ENAH: variants seen among roughly 807,000 people sequenced by gnomAD.
The protein encoded by ENAH is ENAH actin regulator.
A neutral mutation model predicts 78.7 loss-of-function variants in ENAH; 23 were observed. That is an observed-to-expected ratio of 0.29 (90% CI 0.21 to 0.41). ENAH has a LOEUF of 0.41. Among genes scored for constraint, ENAH ranks in the 10% least tolerant of loss-of-function variants. ENAH has a pLI of 1.00. For synonymous variants in ENAH, 226 were observed against 241.0 expected (o/e 0.94, Z 0.58); for missense variants, 544 against 691.0 (o/e 0.79, Z 2.39).
intron 1 of ENAH, among the ~76,000 whole-genome samples, chr1:225,618,392 C>T (rs1444419302): frequency 6.6e-6 from 1 of 152,168 alleles, no homozygotes; most frequent in Non-Finnish European, 1.5e-5. Flanking sequence ...AATGGTCATC[C>T]AGATACAAAA....
Position 225,493,728 on chromosome 1 carries a change from TA to T in ENAH, c.*4046del, listed in dbSNP as rs2096234883. 6.6e-6 allele frequency: 1 copy of T among 152,208 alleles called. No homozygotes were observed. The highest frequency in any genetic ancestry group is 1.5e-5 in the Non-Finnish European group (1 of 68,036). 9.4% of individuals were successfully genotyped at this position (152,208 alleles called of 1,614,324 possible). ...CAGAGTTCCTTTGCGATGTTTGCTT[TA>T]TATAGTTACTTTTACGCTGCTTATA... On this transcript the variant is annotated 3_prime_UTR_variant, in exon 14 of 14. Transcript: ENST00000366843.
intron 1 of ENAH, among the ~76,000 whole-genome samples, chr1:225,599,380 T>G (rs540903214): frequency 6.6e-6 from 1 of 152,190 alleles, no homozygotes; most frequent in African/African-American, 2.4e-5. Context: ...GTATATTAGA[T>G]GATATTCAAT....
chr1:225,575,797 A>G (rs1053066436), intron 1 of ENAH, among the ~76,000 whole-genome samples: 1 of 152,218 alleles, frequency 6.6e-6, no homozygotes, highest in Non-Finnish European at 1.5e-5. Flanking sequence ...AAGGACTGGC[A>G]CTGTCTCTCT....
At chr1:225,650,874 A>AAG (rs1662860483) in intron 1 of ENAH, among the ~76,000 whole-genome samples, 1 of 150,060 alleles carries the variant, frequency 6.7e-6, no homozygotes, top group Non-Finnish European at 1.5e-5. Flanking sequence ...AAAAAAAAAA[A>AAG]AAAACTTTCC....
chr1:225,556,825 C>A (rs537176206), intron 2 of ENAH, among the ~76,000 whole-genome samples: 1 of 152,268 alleles, frequency 6.6e-6, no homozygotes, highest in African/African-American at 2.4e-5. Flanking sequence ...TTTCATATTT[C>A]TATCCCCAAT....
chr1:225,604,696 G>A (rs911880388), intron 1 of ENAH, among the ~76,000 whole-genome samples: 1 of 151,998 alleles, frequency 6.6e-6, no homozygotes, highest in African/African-American at 2.4e-5. Flanking sequence ...GGGAGGCTGA[G>A]GCAGGAGAAT....
At chr1:225,518,105 A>G (rs1253544471) in intron 5 of ENAH, 3 of 832,572 alleles carry the variant, frequency 3.6e-6, no homozygotes, top group Non-Finnish European at 5.4e-6. Flanking sequence ...TGTAGACTAC[A>G]GTTAGTATCA....
intron 1 of ENAH, among the ~76,000 whole-genome samples, chr1:225,647,225 A>G (rs2148494734): frequency 6.6e-6 from 1 of 152,206 alleles, no homozygotes; most frequent in East Asian, 1.9e-4. Context: ...CTCCATCTCA[A>G]AAAACAAAAA....
At chr1:225,582,144 G>A (rs1009150866) in intron 1 of ENAH, among the ~76,000 whole-genome samples, 2 of 152,036 alleles carry the variant, frequency 1.3e-5, no homozygotes, top group Admixed American at 6.6e-5. Context: ...GTTCTCATGA[G>A]ATCTGGTTGT....
At chr1:225,648,758 CTTTTTTT>C (rs57529265) in intron 1 of ENAH, among the ~76,000 whole-genome samples, 1 of 134,694 alleles carries the variant, frequency 7.4e-6, no homozygotes, top group African/African-American at 2.7e-5. Flanking sequence ...AGATTATCTC[CTTTTTTT>C]TTTTTTTTTT....
At chr1:225,641,850 G>A (rs1256241225) in intron 1 of ENAH, among the ~76,000 whole-genome samples, 1 of 151,984 alleles carries the variant, frequency 6.6e-6, no homozygotes, top group Non-Finnish European at 1.5e-5. Flanking sequence ...GTGAAACCCT[G>A]TCTCTACTAA....
At chr1:225,626,074 A>G (rs910493589) in intron 1 of ENAH, among the ~76,000 whole-genome samples, 1 of 152,204 alleles carries the variant, frequency 6.6e-6, no homozygotes, top group Non-Finnish European at 1.5e-5. Flanking sequence ...TGAAAGCTGG[A>G]ATAATGGGAA....
intron 1 of ENAH, among the ~76,000 whole-genome samples, chr1:225,582,392 T>C (rs957807273): frequency 3.9e-5 from 6 of 152,186 alleles, no homozygotes; most frequent in Non-Finnish European, 5.9e-5. Context: ...CACTGGAGAA[T>C]GAGAAGAAGG....
intron 1 of ENAH, among the ~76,000 whole-genome samples, chr1:225,608,026 T>A (rs2096965504): frequency 6.7e-6 from 1 of 150,080 alleles, no homozygotes; most frequent in Non-Finnish European, 1.5e-5. Context: ...AAGATAGGAA[T>A]CAAAACAGAG....
chr1:225,611,341 CAG>C (rs2096987786), intron 1 of ENAH, among the ~76,000 whole-genome samples: 1 of 151,926 alleles, frequency 6.6e-6, no homozygotes, highest in African/African-American at 2.4e-5. Context: ...TTTATTGAGA[CAG>C]AGTCTTGCTC....
chr1:225,632,438 C>T (rs889259092), intron 1 of ENAH, among the ~76,000 whole-genome samples: 1 of 147,214 alleles, frequency 6.8e-6, no homozygotes. Context: ...GCGGAGGCTG[C>T]AGAGAGCCAA....
At chr1:225,544,346 T>C (rs1193410933) in intron 3 of ENAH, among the ~76,000 whole-genome samples, 2 of 152,212 alleles carry the variant, frequency 1.3e-5, no homozygotes, top group African/African-American at 4.8e-5. Context: ...CCTCAGGTCA[T>C]TGTAGCACCA....
intron 4 of ENAH, chr1:225,524,715 C>T: frequency 1.1e-6 from 1 of 874,772 alleles, no homozygotes; most frequent in Non-Finnish European, 1.4e-6. Context: ...AATTATTATT[C>T]CCCTTTTATA....
At chr1:225,566,454 T>C (rs931902108) in intron 2 of ENAH, among the ~76,000 whole-genome samples, 3 of 152,188 alleles carry the variant, frequency 2.0e-5, no homozygotes, top group Non-Finnish European at 2.9e-5. Context: ...CTTACCTTTC[T>C]TCATAAGAGC....
Sources: allele counts gnomAD v4.1 joint callset (sites outside exome capture counted in the v4.1 genomes callset), GRCh38; gene constraint gnomAD v4.1.1; transcripts MANE v1.5; gene names NCBI Gene and HGNC (gene_info 2026-07-23, HGNC 2026-07-21).